Variants in MET observed in about 807,000 individuals in gnomAD.
MET encodes hepatocyte growth factor receptor.
MET carries 48 observed loss-of-function variants against 133.1 expected under a neutral mutation model. The observed-to-expected ratio is 0.36, with a 90% CI of 0.29 to 0.46. The LOEUF is 0.46. Ranked by LOEUF, MET falls within the 20% of genes least tolerant of loss-of-function variation. MET has a pLI of 1.00. For missense variants in MET, 1,442 were observed against 1,695.9 expected (o/e 0.85, Z 2.63); for synonymous variants, 628 against 616.5 (o/e 1.02, Z -0.28).
chr7:116,680,832 C>T (rs38844), intron 1 of MET, among the ~76,000 whole-genome samples: 63,235 of 151,550 alleles, frequency 0.42, 13,174 homozygotes, highest in South Asian at 0.46. Context: ...GTCCCAGCTA[C>T]TCAGGAGGCT....
At chr7:116,719,966 G>A (rs1339532638) in intron 2 of MET, among the ~76,000 whole-genome samples, 2 of 151,784 alleles carry the variant, frequency 1.3e-5, no homozygotes, top group African/African-American at 4.8e-5. Flanking sequence ...TTGACTTGGC[G>A]ATGCGGGCTC....
At chr7:116,701,232 CCTGA>C (rs1791564306) in intron 2 of MET, among the ~76,000 whole-genome samples, 1 of 152,034 alleles carries the variant, frequency 6.6e-6, no homozygotes, top group African/African-American at 2.4e-5. Flanking sequence ...GGAATACGGA[CCTGA>C]CTATGACCAT....
chr7:116,673,774 G>A (rs1403127976), intron 1 of MET, among the ~76,000 whole-genome samples: 1 of 152,192 alleles, frequency 6.6e-6, no homozygotes, highest in Non-Finnish European at 1.5e-5. Context: ...TGTAAGTGGT[G>A]CTTGGATTAT....
intron 1 of MET, among the ~76,000 whole-genome samples, chr7:116,691,634 G>T (rs1202001389): frequency 6.6e-6 from 1 of 152,186 alleles, no homozygotes; most frequent in Admixed American, 6.5e-5. Context: ...CTCCCTCCGT[G>T]TCTGGGCTCT....
intron 2 of MET, among the ~76,000 whole-genome samples, chr7:116,720,571 A>G (rs1233396766): frequency 1.4e-4 from 11 of 78,634 alleles, no homozygotes; most frequent in African/African-American, 6.3e-4. Flanking sequence ...GCCAGTTTTC[A>G]AAGGGAATGC....
intron 3 of MET, among the ~76,000 whole-genome samples, chr7:116,733,230 T>A (rs1793087734): frequency 6.6e-6 from 1 of 152,202 alleles, no homozygotes; most frequent in South Asian, 2.1e-4. Flanking sequence ...GTTTTTAATT[T>A]ACATCAATGG....
At chr7:116,731,629 C>A (rs2116778299) in intron 2 of MET, 39 bp from the exon 3 acceptor site, 1 of 1,608,202 alleles carries the variant, frequency 6.2e-7, no homozygotes, top group South Asian at 1.1e-5. Context: ...TTGTTCATGT[C>A]TGGATTCACA....
In MET at chr7:116,758,465, A is replaced by G; in HGVS notation, c.2109A>G (p.Ser703=). 6.2e-7 allele frequency: 1 copy of G among 1,613,670 alleles called. No individual in the cohort carries two copies. The highest frequency in any genetic ancestry group is 1.1e-5 in the South Asian group (1 of 91,078). Residue 703 remains serine (S), a synonymous_variant, in exon 9 of 21, where the codon TCA becomes TCG. Coordinates refer to ENST00000397752, the MANE Select transcript of MET (RefSeq NM_000245.4). ...GGKTCTLKSV[S]NSILECYTPA... is the part of the protein sequence containing the mutation. ...CTTAATTTTTTTTGTTCAGTGTGTC[A>G]AACAGTATTCTTGAATGTTATACCC... is the stretch of plus-strand genomic sequence containing the variant.
intron 12 of MET, among the ~76,000 whole-genome samples, chr7:116,770,162 C>T (rs1794786763): frequency 6.6e-6 from 1 of 152,186 alleles, no homozygotes; most frequent in South Asian, 2.1e-4. Context: ...ATCACTAATG[C>T]ATAGAGTCCC....
intron 5 of MET, among the ~76,000 whole-genome samples, chr7:116,745,693 T>C (rs1005777701): frequency 1.3e-5 from 2 of 152,224 alleles, no homozygotes; most frequent in African/African-American, 4.8e-5. Context: ...GATTCTCTAT[T>C]TAACAAATGG....
chr7:116,743,655 C>A (rs1477411494), intron 5 of MET, among the ~76,000 whole-genome samples: 1 of 152,322 alleles, frequency 6.6e-6, no homozygotes, highest in East Asian at 1.9e-4. Flanking sequence ...AAGAGAGCAG[C>A]AAATCCCCCA....
intron 3 of MET, among the ~76,000 whole-genome samples, chr7:116,739,302 C>T (rs1250937145): frequency 2.0e-5 from 3 of 152,164 alleles, no homozygotes; most frequent in South Asian, 4.1e-4. Context: ...CCTCATTTCC[C>T]GGGCATTGTT....
intron 17 of MET, among the ~76,000 whole-genome samples, chr7:116,780,103 G>T (rs1795110291): frequency 6.6e-6 from 1 of 152,098 alleles, no homozygotes; most frequent in African/African-American, 2.4e-5. Flanking sequence ...AATAATTGTT[G>T]AATGAATCAG....
chr7:116,729,106 T>C (rs1792899358), intron 2 of MET, among the ~76,000 whole-genome samples: 1 of 152,198 alleles, frequency 6.6e-6, no homozygotes, highest in Non-Finnish European at 1.5e-5. Flanking sequence ...CAATAGAAAC[T>C]TAATTATCAA....
chr7:116,754,184 G>T (rs1029564438), intron 5 of MET, among the ~76,000 whole-genome samples: 2 of 152,124 alleles, frequency 1.3e-5, no homozygotes, highest in Non-Finnish European at 2.9e-5. Flanking sequence ...ATGAATTATT[G>T]GCAGATATGT....
intron 2 of MET, among the ~76,000 whole-genome samples, chr7:116,704,473 T>C (rs1415284898): frequency 1.3e-5 from 2 of 152,152 alleles, no homozygotes; most frequent in Admixed American, 6.6e-5. Context: ...GCAGCTATTA[T>C]TGTAAGGAAT....
chr7:116,739,811 A>G (rs1793372534), intron 3 of MET, 139 bp from the exon 4 acceptor site: 5 of 1,186,110 alleles, frequency 4.2e-6, no homozygotes, highest in Non-Finnish European at 5.0e-6. Context: ...TTGATTTACA[A>G]TGAGGGGAAC....
At chr7:116,690,965 T>A (rs1796762548) in intron 1 of MET, among the ~76,000 whole-genome samples, 1 of 152,226 alleles carries the variant, frequency 6.6e-6, no homozygotes, top group Non-Finnish European at 1.5e-5. Flanking sequence ...TTAACTTTAT[T>A]TTAATAGACC....
chr7:116,714,549 A>G (rs937547672), intron 2 of MET, among the ~76,000 whole-genome samples: 1 of 152,126 alleles, frequency 6.6e-6, no homozygotes, highest in African/African-American at 2.4e-5. Flanking sequence ...TGTAACTATC[A>G]ACTGAGTTCT....
Sources: allele counts gnomAD v4.1 joint callset (sites outside exome capture counted in the v4.1 genomes callset), GRCh38; gene constraint gnomAD v4.1.1; transcripts MANE v1.5; gene names NCBI Gene and HGNC (gene_info 2026-07-23, HGNC 2026-07-21).